SHCBP1: variants seen among roughly 807,000 people sequenced by gnomAD.
SHCBP1 encodes the protein SHC binding and spindle associated 1.
Under a neutral mutation model 75.1 loss-of-function variants are expected in SHCBP1, and 60 were observed. The observed-to-expected ratio is 0.80, with a 90% CI of 0.65 to 0.99. The LOEUF (loss-of-function observed/expected upper bound fraction) is 0.99. SHCBP1 is among the 50% of genes least tolerant of loss of function. The pLI, the probability that SHCBP1 is intolerant of heterozygous loss-of-function variation, is 0.00. For synonymous variants in SHCBP1, 290 were observed against 293.2 expected (o/e 0.99, Z 0.11); for missense variants, 709 against 809.4 (o/e 0.88, Z 1.50).
chr16:46,584,488 A>G (rs752284835), intron 10 of SHCBP1, among the ~76,000 whole-genome samples: 1 of 152,176 alleles, frequency 6.6e-6, no homozygotes, highest in African/African-American at 2.4e-5. Flanking sequence ...TTAGTTGGAG[A>G]TAAGTATTTG....
In SHCBP1 at chr16:46,595,675, G is replaced by A. The variant is rs1204620026; in HGVS notation, c.1346-5C>T. Reference sequence around the variant, plus strand: ...TAGTCTTACCACGGTGAACAACTGGGATGAAAATACACGCTGACTGTTTTA... The same window carrying A: ...TAGTCTTACCACGGTGAACAACTGGAATGAAAATACACGCTGACTGTTTTA... On this transcript the variant is annotated splice_region_variant and splice_polypyrimidine_tract_variant and intron_variant, in intron 9 of 12. Coordinates refer to ENST00000303383, the MANE Select transcript of SHCBP1 (RefSeq NM_024745.5). The A allele has an allele frequency of 2.5e-6, 4 of 1,606,160 alleles. No homozygotes were observed. The highest frequency in any genetic ancestry group is 3.4e-6 in the Non-Finnish European group (4 of 1,173,150).
At chr16:46,603,276 T>C (rs1270943570) in intron 8 of SHCBP1, among the ~76,000 whole-genome samples, 2 of 152,174 alleles carry the variant, frequency 1.3e-5, no homozygotes, top group African/African-American at 4.8e-5. Flanking sequence ...CTGGAAAGTA[T>C]GCTTCTTCCT....
At chr16:46,602,169 T>C (rs749983618) in intron 8 of SHCBP1, among the ~76,000 whole-genome samples, 13 of 152,242 alleles carry the variant, frequency 8.5e-5, no homozygotes, top group Non-Finnish European at 1.6e-4. Flanking sequence ...TTATCTACCA[T>C]ACAAACTATA....
At chr16:46,592,431 CT>C (rs1965061810) in intron 10 of SHCBP1, among the ~76,000 whole-genome samples, 1 of 152,132 alleles carries the variant, frequency 6.6e-6, no homozygotes, top group Non-Finnish European at 1.5e-5. Flanking sequence ...ATCCTTTTAA[CT>C]ATTAATGAAA....
In SHCBP1 at chr16:46,581,686, T is replaced by G. The variant is rs758217756; in HGVS notation, c.*43A>C. The G allele has an allele frequency of 6.6e-7, 1 of 1,521,074 alleles. No homozygotes were observed. The highest frequency in any genetic ancestry group is 1.8e-5 in the Admixed American group (1 of 56,720). The allele number at this position is 1,521,074 out of a possible 1,614,324, so 94.2% of individuals were successfully genotyped here. On this transcript the variant is annotated 3_prime_UTR_variant, in exon 13 of 13. Coordinates refer to ENST00000303383, the MANE Select transcript of SHCBP1 (RefSeq NM_024745.5). ...GGCAGCAGTGATTCTTAGGGCAGCATGTGCAAAATCCAGTATTTTGCTATC... is the reference window on the plus strand; with the variant it reads ...GGCAGCAGTGATTCTTAGGGCAGCAGGTGCAAAATCCAGTATTTTGCTATC...
At position 46,584,040 on chromosome 16, in the gene SHCBP1, T is replaced by C. The variant is rs2142997278; in HGVS notation, c.1514A>G (p.Asn505Ser). ...CCCTTCCTTGCAGTGATGGATCCCA[T>C]TGTCACTCAGGGTGCACTGACTCCC... ...YPGSQCTLSD[N>S]GIHHCKEGIL... The change falls in exon 11 of 13, where the codon AAT (asparagine) becomes AGT (serine). Residue 505 changes from asparagine to serine, a missense_variant. Physicochemically the swap from Asn to Ser is conservative, Grantham distance 46. Coordinates refer to ENST00000303383, the MANE Select transcript of SHCBP1 (RefSeq NM_024745.5). 6.2e-7 allele frequency: 1 copy of C among 1,607,360 alleles called. No homozygotes were observed. The highest frequency in any genetic ancestry group is 1.1e-5 in the South Asian group (1 of 89,552).
Position 46,604,059 on chromosome 16 carries a change from G to A in SHCBP1, c.1008C>T (p.Ser336=). The change falls in exon 7 of 13, where the codon TCC becomes TCT. Residue 336 remains serine (S), a synonymous_variant. Transcript: ENST00000303383. ...SSGQKITHVV[S]STMMAGLLRS... is the part of the protein sequence containing the mutation. ...GCAGGAGACCAGCCATCATGGTGGA[G>A]GAGACCACATGAGTGATCTTCTGAC... The A allele has an allele frequency of 6.2e-7, 1 of 1,614,204 alleles. No individual in the cohort carries two copies. The highest frequency in any genetic ancestry group is 8.5e-7 in the Non-Finnish European group (1 of 1,180,038).
chr16:46,595,607 G>T lies in SHCBP1; in HGVS notation c.1409C>A (p.Thr470Lys). Residue 470 changes from threonine to lysine, a missense_variant, in exon 10 of 13, where the codon ACA becomes AAA. Thr to Lys is a moderately conservative substitution (Grantham distance 78, BLOSUM62 -1). Transcript: ENST00000303383. ...CVLQCETTGV[T>K]VRTSAEFLMK... is the part of the protein sequence containing the mutation. ...TAGAAACTCTGCTGATGTCCGCACT[G>T]TGACTCCGGTCGTCTCACACTGCAG... 11 of 1,614,136 alleles carry T rather than the reference G, an allele frequency of 6.8e-6. No homozygotes were observed. The highest frequency in any genetic ancestry group is 9.3e-6 in the Non-Finnish European group (11 of 1,180,010).
At chr16:46,596,490 G>A (rs1262022445) in intron 9 of SHCBP1, among the ~76,000 whole-genome samples, 4 of 151,844 alleles carry the variant, frequency 2.6e-5, no homozygotes, top group Admixed American at 2.6e-4. Context: ...CTGGGTGACA[G>A]AGTGAGACCT....
Position 46,595,629 on chromosome 16 carries a change from G to A in SHCBP1, c.1387C>T (p.Gln463Ter). 1 of 1,614,124 alleles carries A rather than the reference G, an allele frequency of 6.2e-7. No homozygotes were observed. The highest frequency in any genetic ancestry group is 8.5e-7 in the Non-Finnish European group (1 of 1,179,998). ...ACTGTGACTCCGGTCGTCTCACACTGCAGCACACAGTTTTCCAGCGTAGTC... is the reference window on the plus strand; with the variant it reads ...ACTGTGACTCCGGTCGTCTCACACTACAGCACACAGTTTTCCAGCGTAGTC... The part of the protein sequence containing the change: ...GKTTLENCVL[Q>*]CETTGVTVRT... Residue 463 changes from glutamine to a stop codon, truncating the protein, a stop_gained, in exon 10 of 13, where the codon CAG (glutamine) becomes TAG (stop). Coordinates refer to ENST00000303383, the MANE Select transcript of SHCBP1 (RefSeq NM_024745.5). LOFTEE classifies it high-confidence loss of function.
At chr16:46,621,078 C>A (rs1249693226) in intron 1 of SHCBP1, among the ~76,000 whole-genome samples, 179 bp downstream of exon 1, 1 of 152,184 alleles carries the variant, frequency 6.6e-6, no homozygotes, top group African/African-American at 2.4e-5. Flanking sequence ...GGGAGTCCCC[C>A]ACCCCTGGGT....
intron 8 of SHCBP1, among the ~76,000 whole-genome samples, chr16:46,600,266 A>G (rs944537541): frequency 6.6e-6 from 1 of 152,210 alleles, no homozygotes; most frequent in African/African-American, 2.4e-5. Context: ...ATAATGTTCA[A>G]GACCAGCCTA....
intron 9 of SHCBP1, among the ~76,000 whole-genome samples, chr16:46,597,174 T>C (rs757530713): frequency 6.6e-6 from 1 of 151,826 alleles, no homozygotes; most frequent in Non-Finnish European, 1.5e-5. Flanking sequence ...TTTATGGGAG[T>C]CTGGGGTGGG....
At chr16:46,606,536 T>A (rs1391557362) in intron 5 of SHCBP1, among the ~76,000 whole-genome samples, 1 of 152,170 alleles carries the variant, frequency 6.6e-6, no homozygotes, top group African/African-American at 2.4e-5. Flanking sequence ...CAGAATACAA[T>A]TTTTTTCCAA....
rs752983374 is a variant in SHCBP1 at position 46,604,533 on chromosome 16, T to A, written c.690-72A>T. 3 of 1,057,178 alleles carry A rather than the reference T, an allele frequency of 2.8e-6. No homozygotes were observed. In the East Asian group the frequency reaches 7.1e-5, roughly 25 times the overall value. 65.5% of individuals were successfully genotyped at this position (1,057,178 alleles called of 1,614,324 possible). ...TTTCCTATCATTAAAACAGCCCACT[T>A]AGCCCTCAAAGACCCAGTAAGAGTT... On this transcript the variant is annotated intron_variant, in intron 5 of 12. Transcript: ENST00000303383.
Position 46,582,175 on chromosome 16 carries a change from C to T in SHCBP1, c.1694-121G>A, listed in dbSNP as rs878943230. Reference sequence around the variant, plus strand: ...TGCTTTCTATACCAAGGTTCCCTGACCCTCACACAGGATCACCAATTTTGA... The same window carrying T: ...TGCTTTCTATACCAAGGTTCCCTGATCCTCACACAGGATCACCAATTTTGA... On this transcript the variant is annotated intron_variant, in intron 12 of 12. Transcript: ENST00000303383. 14 of 986,414 alleles carry T rather than the reference C, an allele frequency of 1.4e-5. 1 individual carries two copies. The South Asian group carries it at 1.8e-4, about 13-fold the overall frequency. The allele number at this position is 986,414 out of a possible 1,614,324, so 61.1% of individuals were successfully genotyped here.
chr16:46,595,779 A>C, intron 9 of SHCBP1, 109 bp from the exon 10 acceptor site: 1 of 629,784 alleles, frequency 1.6e-6, no homozygotes, highest in East Asian at 3.0e-5. Flanking sequence ...CTCAATGGCT[A>C]TCATTTAAAT....
intron 10 of SHCBP1, among the ~76,000 whole-genome samples, chr16:46,587,198 G>A (rs1434229975): frequency 6.6e-6 from 1 of 151,982 alleles, no homozygotes; most frequent in African/African-American, 2.4e-5. Context: ...AATAAAAGGA[G>A]GCAAGGTTTC....
At chr16:46,608,842 A>G (rs1001127644) in intron 4 of SHCBP1, among the ~76,000 whole-genome samples, 5 of 151,492 alleles carry the variant, frequency 3.3e-5, no homozygotes, top group African/African-American at 1.2e-4. Context: ...CTCATGATTC[A>G]CCCGCCTCGG....
Sources: gnomAD v4.1 joint callset for allele counts (sites outside exome capture counted in the v4.1 genomes callset) on GRCh38, gnomAD v4.1.1 for gene constraint, MANE v1.5 for transcripts, NCBI Gene and HGNC (gene_info 2026-07-23, HGNC 2026-07-21) for gene names.